UST: variants seen among roughly 807,000 people sequenced by gnomAD.
The protein encoded by UST is chondroitin sulfate 2-O-sulfotransferase.
Under a neutral mutation model 45.6 loss-of-function variants are expected in UST, and 21 were observed. The observed-to-expected ratio is 0.46, with a 90% confidence interval of 0.33 to 0.66. The LOEUF (loss-of-function observed/expected upper bound fraction) is 0.66. UST is among the 30% of genes least tolerant of loss of function. UST has a pLI of 0.02. For missense variants in UST, 463 were observed against 512.4 expected, an observed-to-expected ratio of 0.90 and a Z score of 0.93; for synonymous variants, 215 against 200.6, an observed-to-expected ratio of 1.07 and a Z score of -0.61.
chr6:149,022,741 A>G (rs547361486), intron 7 of UST, among the ~76,000 whole-genome samples: 2 of 152,316 alleles, frequency 1.3e-5, no homozygotes, highest in East Asian at 3.9e-4. Flanking sequence ...GTCTTTGCCC[A>G]GAGAGCCCTG....
At chr6:148,834,649 T>C (rs1777753690) in intron 1 of UST, among the ~76,000 whole-genome samples, 1 of 152,078 alleles carries the variant, frequency 6.6e-6, no homozygotes, top group Admixed American at 6.6e-5. Flanking sequence ...GTGGGAGGAT[T>C]GCTTGAGCCT....
At chr6:149,054,029 G>A (rs1050791151) in intron 7 of UST, among the ~76,000 whole-genome samples, 36 of 152,172 alleles carry the variant, frequency 2.4e-4, no homozygotes, top group African/African-American at 8.4e-4. Flanking sequence ...CAATTTGAGA[G>A]CAGCTGTGGT....
chr6:148,955,413 C>G (rs1380038291), intron 4 of UST, among the ~76,000 whole-genome samples: 1 of 152,252 alleles, frequency 6.6e-6, no homozygotes, highest in Non-Finnish European at 1.5e-5. Context: ...GCTGCCTTAT[C>G]TTTAAAAGCA....
rs539406286 is a variant in UST, at chr6:148,973,273, A to G, written c.681+8710A>G. ...GAAACCAAGGTGTGCATTATAGTAT[A>G]CATTTCAGATCTCACTTTAGGAAGC... On this transcript the variant is annotated intron_variant, in intron 5 of 7. Coordinates refer to ENST00000367463, the MANE Select transcript of UST (RefSeq NM_005715.3). 3.3e-5 allele frequency among the ~76,000 whole-genome samples: 5 copies of G among 152,362 alleles called. No individual in the cohort carries two copies. The East Asian group carries it at 9.6e-4, about 29-fold the overall frequency.
chr6:148,747,470 C>A lies in UST; in HGVS notation c.40C>A (p.Pro14Thr). ...KQQHPGGGAD[P>T]WPHGAPMGGA... ...GCAGCATCCCGGCGGCGGCGCGGATCCCTGGCCCCATGGGGCCCCTATGGG... is the reference window on the plus strand; with the variant it reads ...GCAGCATCCCGGCGGCGGCGCGGATACCTGGCCCCATGGGGCCCCTATGGG... The change falls in exon 1 of 8, where the codon CCC becomes ACC. Residue 14 changes from proline (P) to threonine (T), a missense_variant. Coordinates refer to ENST00000367463, the MANE Select transcript of UST (RefSeq NM_005715.3). The A allele has an allele frequency of 6.8e-7, 1 of 1,471,676 alleles. No homozygotes were observed. Among genetic ancestry groups the A allele is most frequent in the South Asian group, 1.4e-5 (1 of 73,692 alleles). 91.2% of individuals were successfully genotyped at this position (1,471,676 alleles called of 1,614,324 possible).
rs1398029302 is a variant in UST, at chr6:148,824,110, T to TCAACTATTAGGCTTGTTAGGAG, written c.248-62873_248-62852dup. 2.0e-5 allele frequency among the ~76,000 whole-genome samples: 3 copies of TCAACTATTAGGCTTGTTAGGAG among 152,340 alleles called. No homozygotes were observed. In the East Asian group the frequency reaches 5.8e-4, roughly 29 times the overall value. On this transcript the variant is annotated intron_variant, in intron 1 of 7. Transcript: ENST00000367463. ...GTTCTGAGAATTTTTCCACTGCAACTCAACTATTAGGCTTGTTAGGAGCAT... is the reference window on the plus strand; with the variant it reads ...GTTCTGAGAATTTTTCCACTGCAACTCAACTATTAGGCTTGTTAGGAGCAACTATTAGGCTTGTTAGGAGCAT...
chr6:148,815,519 A>G (rs1777337798), intron 1 of UST, among the ~76,000 whole-genome samples: 1 of 152,198 alleles, frequency 6.6e-6, no homozygotes, highest in Non-Finnish European at 1.5e-5. Flanking sequence ...CCCAGTGTAG[A>G]TGTAGCTAGC....
chr6:149,012,038 T>C (rs1014650615), intron 5 of UST, among the ~76,000 whole-genome samples: 3 of 152,204 alleles, frequency 2.0e-5, no homozygotes, highest in Admixed American at 2.0e-4. Context: ...GCCACTACGG[T>C]AGATGCCACA....
intron 1 of UST, among the ~76,000 whole-genome samples, chr6:148,877,442 G>A (rs1200141098): frequency 2.7e-4 from 19 of 70,342 alleles, no homozygotes; most frequent in African/African-American, 1.1e-3. Flanking sequence ...GGGGGATCGC[G>A]TATGAGTGGG....
chr6:148,917,380 T>G (rs1779610181), intron 2 of UST, among the ~76,000 whole-genome samples: 1 of 152,248 alleles, frequency 6.6e-6, no homozygotes, highest in African/African-American at 2.4e-5. Context: ...GTATTTATTA[T>G]CACAGTCCTT....
rs892761506 is a variant in UST, at chr6:149,044,992, A to G, written c.937+23511A>G. ...TGAGCACACATTGCTGAAACAATCAATGTCTCAACTGTATGCCAAATTCTG... is the reference window on the plus strand; with the variant it reads ...TGAGCACACATTGCTGAAACAATCAGTGTCTCAACTGTATGCCAAATTCTG... On this transcript the variant is annotated intron_variant, in intron 7 of 7. Transcript: ENST00000367463. Among the ~76,000 whole-genome samples, 12 of 152,234 alleles carry G rather than the reference A, an allele frequency of 7.9e-5. 1 individual carries two copies. Among genetic ancestry groups the G allele is most frequent in the South Asian group, 2.1e-4 (1 of 4,834 alleles).
At chr6:148,993,760 C>T (rs1214673945) in intron 5 of UST, among the ~76,000 whole-genome samples, 2 of 152,098 alleles carry the variant, frequency 1.3e-5, no homozygotes, top group Non-Finnish European at 2.9e-5. Context: ...CCCTCCTCCC[C>T]TGAGCCTCAC....
chr6:148,862,987 T>G (rs941448665), intron 1 of UST, among the ~76,000 whole-genome samples: 1 of 152,218 alleles, frequency 6.6e-6, no homozygotes, highest in African/African-American at 2.4e-5. Context: ...GGAGTTGCTC[T>G]TCTCGAGGAG....
chr6:148,871,390 A>T (rs1040710936), intron 1 of UST, among the ~76,000 whole-genome samples: 2 of 152,156 alleles, frequency 1.3e-5, no homozygotes, highest in African/African-American at 4.8e-5. Flanking sequence ...AATGCCCAGC[A>T]TAGAGATTTT....
intron 2 of UST, among the ~76,000 whole-genome samples, chr6:148,930,328 C>T (rs1380596362): frequency 6.6e-6 from 1 of 152,154 alleles, no homozygotes; most frequent in African/African-American, 2.4e-5. Flanking sequence ...CTACTATGTG[C>T]CAGGCATTGA....
chr6:149,032,141 C>G (rs1341145145), intron 7 of UST, among the ~76,000 whole-genome samples: 1 of 152,162 alleles, frequency 6.6e-6, no homozygotes, highest in Admixed American at 6.5e-5. Flanking sequence ...TGTGGCGCAA[C>G]CTGGCACTGA....
In UST at chr6:148,916,610, C is replaced by G. The variant is rs1582896344; in HGVS notation, c.292-24669C>G. On this transcript the variant is annotated intron_variant, in intron 2 of 7. Transcript: ENST00000367463. ...TAGAACTTGCCACCCATCTGAGCTC[C>G]CGTCCTCCTTTCTGCCGCTCCTTCA... Among the ~76,000 whole-genome samples, 3 of 152,300 alleles carry G rather than the reference C, an allele frequency of 2.0e-5. No individual in the cohort carries two copies. The Middle Eastern group carries it at 0.01, about 518-fold the overall frequency.
At chr6:148,798,998 T>G (rs1314725808) in intron 1 of UST, among the ~76,000 whole-genome samples, 1 of 152,122 alleles carries the variant, frequency 6.6e-6, no homozygotes, top group Non-Finnish European at 1.5e-5. Context: ...GCTTCCCAAG[T>G]AGCTGGGACT....
intron 2 of UST, among the ~76,000 whole-genome samples, chr6:148,924,270 CT>C (rs1360096527): frequency 1.3e-5 from 2 of 152,194 alleles, no homozygotes; most frequent in African/African-American, 4.8e-5. Context: ...CTAGGCCCTT[CT>C]CTGACAGCCC....
Sources: gnomAD v4.1 joint callset for allele counts (sites outside exome capture counted in the v4.1 genomes callset) on GRCh38, gnomAD v4.1.1 for gene constraint, MANE v1.5 for transcripts, NCBI Gene and HGNC (gene_info 2026-07-23, HGNC 2026-07-21) for gene names.